The following GNB4 variants were observed in gnomAD, a reference collection of about 807,000 sequenced individuals.
GNB4 encodes G protein subunit beta 4.
GNB4 carries 28 observed loss-of-function variants against 45.2 expected under a neutral mutation model. The observed-to-expected ratio is 0.62, with a 90% CI of 0.46 to 0.85. The LOEUF (loss-of-function observed/expected upper bound fraction) is 0.85. GNB4 is among the 40% of genes least tolerant of loss of function. GNB4 has a pLI of 0.00. For synonymous variants in GNB4, 132 were observed against 143.7 expected (o/e 0.92, Z 0.58); for missense variants, 321 against 425.4 (o/e 0.75, Z 2.16).
At chr3:179,498,993 G>A in the GNB4 span, among the ~76,000 whole-genome samples, 1 of 151,634 alleles carries the variant, frequency 6.6e-6, no homozygotes, top group Non-Finnish European at 1.5e-5. Context: ...TTCAACTCCC[G>A]CTTATCAGTG....
intron 6 of GNB4, among the ~76,000 whole-genome samples, chr3:179,414,676 AAAC>A (rs1320825073): frequency 1.3e-5 from 2 of 152,150 alleles, no homozygotes; most frequent in Non-Finnish European, 2.9e-5. Flanking sequence ...TTTTTTACAA[AAAC>A]AATACAGCTA....
At chr3:179,498,157 G>A in the GNB4 span, among the ~76,000 whole-genome samples, 5 of 152,322 alleles carry the variant, frequency 3.3e-5, no homozygotes, top group Admixed American at 2.0e-4. Flanking sequence ...TTGGCTGATG[G>A]ATGAAAGGAT....
chr3:179,416,897 T>C (rs904943732), intron 4 of GNB4, among the ~76,000 whole-genome samples: 4 of 152,182 alleles, frequency 2.6e-5, no homozygotes, highest in East Asian at 1.9e-4. Context: ...AGAATGTACA[T>C]AGAAGCCTAA....
chr3:179,524,009 G>A, the GNB4 span, among the ~76,000 whole-genome samples: 2 of 152,158 alleles, frequency 1.3e-5, no homozygotes, highest in Non-Finnish European at 2.9e-5. Flanking sequence ...TAGAAGCCTG[G>A]CCATCAATAC....
the GNB4 span, among the ~76,000 whole-genome samples, chr3:179,513,189 A>T: frequency 1.5e-4 from 19 of 123,314 alleles, no homozygotes; most frequent in Non-Finnish European, 2.0e-4. Flanking sequence ...ATGTGCAGCA[A>T]TTTTTTTTTT....
At chr3:179,464,725 A>G in the GNB4 span, 5 of 1,055,224 alleles carry the variant, frequency 4.7e-6, no homozygotes, top group East Asian at 1.2e-4. Context: ...GATAATGTAG[A>G]TGGCCTCCTT....
At chr3:179,444,995 GA>G (rs1003174640) in intron 1 of GNB4, among the ~76,000 whole-genome samples, 5 of 151,012 alleles carry the variant, frequency 3.3e-5, no homozygotes, top group Non-Finnish European at 5.9e-5. Context: ...AAAATAAGGA[GA>G]AAAAAAATGA....
chr3:179,463,477 G>A, the GNB4 span, among the ~76,000 whole-genome samples: 20 of 152,228 alleles, frequency 1.3e-4, no homozygotes, highest in Non-Finnish European at 2.6e-4. Context: ...TTTATTATGA[G>A]CCAGGCACTC....
At chr3:179,503,594 G>A in the GNB4 span, among the ~76,000 whole-genome samples, 47 of 152,148 alleles carry the variant, frequency 3.1e-4, no homozygotes, top group Admixed American at 7.9e-4. Context: ...GTTCTCTAGC[G>A]GTGAATTAAG....
chr3:179,514,691 T>C, the GNB4 span, among the ~76,000 whole-genome samples: 1 of 152,164 alleles, frequency 6.6e-6, no homozygotes, highest in African/African-American at 2.4e-5. Context: ...GAAAAGCTTG[T>C]GTGGGGACAC....
chr3:179,506,644 G>A, the GNB4 span, among the ~76,000 whole-genome samples: 1 of 151,980 alleles, frequency 6.6e-6, no homozygotes, highest in Non-Finnish European at 1.5e-5. Flanking sequence ...AACTCTCTGG[G>A]GCTTCAGAAT....
At chr3:179,459,409 G>A in the GNB4 span, among the ~76,000 whole-genome samples, 7 of 151,978 alleles carry the variant, frequency 4.6e-5, no homozygotes, top group South Asian at 2.1e-4. Context: ...CCGGCCGGGC[G>A]CAGTGCCTCA....
At chr3:179,407,952 T>A (rs1714525131) in intron 8 of GNB4, among the ~76,000 whole-genome samples, 2 of 152,146 alleles carry the variant, frequency 1.3e-5, no homozygotes, top group African/African-American at 4.8e-5. Context: ...GGGGCAAAAT[T>A]AAGCACACAC....
upstream of GNB4, among the ~76,000 whole-genome samples, chr3:179,456,258 A>AT (rs1715976735): frequency 6.6e-6 from 1 of 152,094 alleles, no homozygotes; most frequent in East Asian, 1.9e-4. Context: ...CATACAGCTA[A>AT]TTTTTTTGTA....
rs1039733353 is a variant in GNB4, at chr3:179,405,521, C to T, written c.700-115G>A. On this transcript the variant is annotated intron_variant, in intron 8 of 9. Coordinates refer to ENST00000232564, the MANE Select transcript of GNB4 (RefSeq NM_021629.4). ...CCAACTTGGCTACCTACCAGGTGAG[C>T]GATGTTGGGCACTAAAGATTCTTAA... 8 of 650,128 alleles carry T rather than the reference C, an allele frequency of 1.2e-5. No homozygotes were observed. In the Admixed American group the frequency reaches 1.5e-4, roughly 12 times the overall value. 40.3% of individuals were successfully genotyped at this position (650,128 alleles called of 1,614,324 possible).
At chr3:179,442,004 AC>A (rs1171289544) in intron 1 of GNB4, among the ~76,000 whole-genome samples, 1 of 152,030 alleles carries the variant, frequency 6.6e-6, no homozygotes, top group South Asian at 2.1e-4. Flanking sequence ...ACAGGGTTTC[AC>A]CATGTTGGTC....
intron 1 of GNB4, among the ~76,000 whole-genome samples, chr3:179,445,446 G>A (rs948818897): frequency 6.6e-6 from 1 of 151,962 alleles, no homozygotes; most frequent in Non-Finnish European, 1.5e-5. Context: ...CACCACGCTT[G>A]GCTAATTTTT....
intron 6 of GNB4, 50 bp downstream of exon 6, chr3:179,414,834 CA>C: frequency 6.9e-7 from 1 of 1,454,392 alleles, no homozygotes; most frequent in Non-Finnish European, 9.4e-7. Context: ...TTGATCAGCA[CA>C]TTCCACACAA....
intron 1 of GNB4, among the ~76,000 whole-genome samples, chr3:179,440,099 C>A (rs1715558754): frequency 6.6e-6 from 1 of 152,188 alleles, no homozygotes. Flanking sequence ...ACACTCCCAA[C>A]TTAAAATATT....
Sources: allele counts gnomAD v4.1 joint callset (sites outside exome capture counted in the v4.1 genomes callset), GRCh38; gene constraint gnomAD v4.1.1; transcripts MANE v1.5; gene names NCBI Gene and HGNC (gene_info 2026-07-23, HGNC 2026-07-21).